Variants in COL4A4 observed in about 807,000 individuals in gnomAD.
COL4A4 encodes the protein collagen alpha-4(IV) chain.
COL4A4 carries 105 observed loss-of-function variants against 192.9 expected under a neutral mutation model. That is an observed-to-expected ratio of 0.54 (90% CI 0.46 to 0.64). The LOEUF is 0.64. Ranked by LOEUF, COL4A4 falls within the 30% of genes least tolerant of loss-of-function variation. The probability of loss-of-function intolerance (pLI) is 0.00; values close to 1 mark genes in which losing one functional copy is unlikely to be tolerated. For synonymous variants in COL4A4, 762 were observed against 769.9 expected (o/e 0.99, Z 0.17); for missense variants, 1,967 against 2,169.3 (o/e 0.91, Z 1.85).
intron 40 of COL4A4, among the ~76,000 whole-genome samples, chr2:227,031,072 TA>T (rs1968277898): frequency 6.6e-6 from 1 of 151,664 alleles, no homozygotes; most frequent in African/African-American, 2.4e-5. Context: ...GATGGATGGA[TA>T]GACTGATGGA....
the COL4A4 span, among the ~76,000 whole-genome samples, chr2:226,993,974 A>C: frequency 6.6e-6 from 1 of 152,188 alleles, no homozygotes; most frequent in African/African-American, 2.4e-5. Flanking sequence ...TCCTGGCTTA[A>C]CTGTGCTTTG....
chr2:227,018,984 A>AT (rs1208966585), intron 44 of COL4A4, among the ~76,000 whole-genome samples: 4 of 152,230 alleles, frequency 2.6e-5, no homozygotes, highest in Admixed American at 2.6e-4. Flanking sequence ...CCATTCACAT[A>AT]TTTTTCTCTT....
At chr2:227,031,366 A>T (rs1328570502) in intron 40 of COL4A4, among the ~76,000 whole-genome samples, 1 of 152,194 alleles carries the variant, frequency 6.6e-6, no homozygotes, top group Non-Finnish European at 1.5e-5. Context: ...GCAAGATATC[A>T]CACGGAGCCA....
chr2:227,047,815 G>A (rs1488870076), intron 34 of COL4A4, among the ~76,000 whole-genome samples: 1 of 151,206 alleles, frequency 6.6e-6, no homozygotes, highest in Admixed American at 6.6e-5. Context: ...ATAAGTTTGA[G>A]TTTTTAAGTC....
chr2:227,002,813 A>G lies in COL4A4; in HGVS notation c.*4512T>C, dbSNP rs1961308399. 6.6e-6 allele frequency: 1 copy of G among 152,614 alleles called. No homozygotes were observed. Among genetic ancestry groups the G allele is most frequent in the Admixed American group, 6.5e-5 (1 of 15,286 alleles). 9.5% of individuals were successfully genotyped at this position (152,614 alleles called of 1,614,324 possible). On this transcript the variant is annotated 3_prime_UTR_variant, in exon 48 of 48. Coordinates refer to ENST00000396625, the MANE Select transcript of COL4A4 (RefSeq NM_000092.5). Reference sequence around the variant, plus strand: ...CCAATGGCAGACCAGGCATCTTGCAAAAGTTACATGCTGAAAGTCTTTAAC... The same window carrying G: ...CCAATGGCAGACCAGGCATCTTGCAGAAGTTACATGCTGAAAGTCTTTAAC...
rs1961745666 is a variant in COL4A4 at position 227,004,811 on chromosome 2, C to T, written c.*2514G>A. 1.3e-5 allele frequency: 2 copies of T among 152,222 alleles called. No individual in the cohort carries two copies. Among genetic ancestry groups the T allele is most frequent in the Non-Finnish European group, 2.9e-5 (2 of 68,094 alleles). The allele number at this position is 152,222 out of a possible 1,614,324, so 9.4% of individuals were successfully genotyped here. A position where few individuals can be genotyped will look rare whatever the true frequency, so the allele number is the denominator to read the frequency against. On this transcript the variant is annotated 3_prime_UTR_variant, in exon 48 of 48. Transcript: ENST00000396625. ...TTTCCAGCACGGGCACAGAACAGAA[C>T]AGTTCCCATTAGGGCAATCTAGGCA...
the COL4A4 span, among the ~76,000 whole-genome samples, chr2:226,989,486 A>G: frequency 6.6e-6 from 1 of 152,224 alleles, no homozygotes; most frequent in African/African-American, 2.4e-5. Context: ...TTGGTCTCAC[A>G]TGTCCAGTTT....
chr2:227,000,277 G>T (rs776496238), downstream of COL4A4, among the ~76,000 whole-genome samples: 7 of 152,206 alleles, frequency 4.6e-5, no homozygotes, highest in Non-Finnish European at 1.0e-4. Context: ...CAGACCAAAT[G>T]ATCAGAATCT....
Position 227,059,571 on chromosome 2 carries a change from G to T in COL4A4, c.2217C>A (p.Ser739=). 6.2e-7 allele frequency: 1 copy of T among 1,614,032 alleles called. No homozygotes were observed. The highest frequency in any genetic ancestry group is 8.5e-7 in the Non-Finnish European group (1 of 1,180,012). Residue 739 remains serine (S), a synonymous_variant, in exon 28 of 48, where the codon TCC becomes TCA. Transcript: ENST00000396625. The part of the protein sequence containing the change: ...DPGFGGEKGS[S]PVGPPGPPGS... ...CGGGAGGGCCTGGGGGCCCAACAGG[G>T]GAGGACCCCTTTTCACCTCCAAAAC...
In COL4A4 at chr2:227,142,421, C is replaced by T. The variant is rs146915786; in HGVS notation, c.114+2095G>A. On this transcript the variant is annotated intron_variant, in intron 3 of 47. Transcript: ENST00000396625. ...AGAAAAAAGGAAAAGTCACTATCTG[C>T]CTTATCTCAGATATTGTTAAACATA... Among the ~76,000 whole-genome samples, 340 of 152,244 alleles carry T rather than the reference C, an allele frequency of 2.2e-3. 2 individuals carry two copies. The highest frequency in any genetic ancestry group is 6.8e-3 in the Middle Eastern group (2 of 294).
chr2:226,970,706 T>C, the COL4A4 span, among the ~76,000 whole-genome samples: 3 of 152,246 alleles, frequency 2.0e-5, no homozygotes, highest in African/African-American at 7.2e-5. Context: ...TTTTCCAATG[T>C]ACTTTTTTTA....
rs113781272 is a variant in COL4A4, at chr2:227,139,100, A to C, written c.192+1061T>G. ...TGAATGCCCATATAAATGGGACCCC[A>C]GAGGACTCTTTCTCTCCACCATATG... is the stretch of plus-strand genomic sequence containing the variant. On this transcript the variant is annotated intron_variant, in intron 4 of 47. Coordinates refer to ENST00000396625, the MANE Select transcript of COL4A4 (RefSeq NM_000092.5). 9.1e-3 allele frequency among the ~76,000 whole-genome samples: 1,384 copies of C among 152,308 alleles called. 11 individuals carry two copies. The highest frequency in any genetic ancestry group is 0.024 in the Middle Eastern group (7 of 294).
intron 1 of COL4A4, among the ~76,000 whole-genome samples, chr2:227,163,218 G>A (rs1409721322): frequency 6.6e-6 from 1 of 152,170 alleles, no homozygotes; most frequent in Non-Finnish European, 1.5e-5. Context: ...CTTCCCTTAT[G>A]AGCACAGGCA....
chr2:227,111,824 G>T, intron 8 of COL4A4, 111 bp from the exon 9 acceptor site: 1 of 1,192,170 alleles, frequency 8.4e-7, no homozygotes, highest in South Asian at 1.3e-5. Context: ...ACTGCAGTTT[G>T]TTCAATTTTT....
rs1054199177 is a variant in COL4A4, at chr2:227,003,138, C to T, written c.*4187G>A. The stretch of plus-strand genomic sequence containing the variant: ...AACTTTGAGGATTGAAATGAAACAG[C>T]ATTCCCAATGACATTAAGAATTGGC... On this transcript the variant is annotated 3_prime_UTR_variant, in exon 48 of 48. Coordinates refer to ENST00000396625, the MANE Select transcript of COL4A4 (RefSeq NM_000092.5). The T allele has an allele frequency of 6.6e-6, 1 of 152,146 alleles. No individual in the cohort carries two copies. Among genetic ancestry groups the T allele is most frequent in the African/African-American group, 2.4e-5 (1 of 41,408 alleles). 9.4% of individuals were successfully genotyped at this position (152,146 alleles called of 1,614,324 possible).
At chr2:227,124,107 A>C (rs1301755805) in intron 4 of COL4A4, among the ~76,000 whole-genome samples, 1 of 152,238 alleles carries the variant, frequency 6.6e-6, no homozygotes, top group Non-Finnish European at 1.5e-5. Flanking sequence ...AACAAGCCAC[A>C]GAATAGTATG....
intron 20 of COL4A4, among the ~76,000 whole-genome samples, chr2:227,091,730 C>T (rs1195077397): frequency 1.3e-5 from 2 of 151,926 alleles, no homozygotes; most frequent in African/African-American, 4.8e-5. Context: ...CCTGTCTCTA[C>T]TAAAAAATGC....
chr2:227,124,795 A>T lies in COL4A4; in HGVS notation c.193-3647T>A, dbSNP rs2061992817. Among the ~76,000 whole-genome samples the T allele has an allele frequency of 2.0e-5, 3 of 152,352 alleles. No individual in the cohort carries two copies. In the East Asian group the frequency reaches 5.8e-4, roughly 29 times the overall value. Reference sequence around the variant, plus strand: ...CCTGTGTTAGAAATAAGATTAATTAACATAATCTAAAAGCTCCCATGTTTT... The same window carrying T: ...CCTGTGTTAGAAATAAGATTAATTATCATAATCTAAAAGCTCCCATGTTTT... On this transcript the variant is annotated intron_variant, in intron 4 of 47. Coordinates refer to ENST00000396625, the MANE Select transcript of COL4A4 (RefSeq NM_000092.5).
At chr2:227,082,540 T>C (rs1193501652) in intron 22 of COL4A4, among the ~76,000 whole-genome samples, 1 of 152,208 alleles carries the variant, frequency 6.6e-6, no homozygotes, top group Non-Finnish European at 1.5e-5. Flanking sequence ...CATGGGAACT[T>C]TATGACTGTG....
Sources: allele counts gnomAD v4.1 joint callset (sites outside exome capture counted in the v4.1 genomes callset), GRCh38; gene constraint gnomAD v4.1.1; transcripts MANE v1.5; gene names NCBI Gene and HGNC (gene_info 2026-07-23, HGNC 2026-07-21).